Variants in CTNND1 observed in about 807,000 individuals in gnomAD.
CTNND1 encodes the protein catenin delta 1, also known as catenin delta-1.
CTNND1 carries 16 observed loss-of-function variants against 112.1 expected under a neutral mutation model. That is an observed-to-expected ratio of 0.14 (90% CI 0.10 to 0.22). CTNND1 has a LOEUF of 0.22. CTNND1 is among the 10% of genes least tolerant of loss of function. CTNND1 has a pLI of 1.00. For missense variants in CTNND1, 1,008 were observed against 1,257.0 expected (o/e 0.80, Z 3.00); for synonymous variants, 420 against 446.5 (o/e 0.94, Z 0.75).
intron 6 of CTNND1, among the ~76,000 whole-genome samples, chr11:57,797,742 T>C (rs919408345): frequency 6.9e-6 from 1 of 144,390 alleles, no homozygotes; most frequent in African/African-American, 2.6e-5. Flanking sequence ...CTCGGGAGGC[T>C]GAGGCAGGAG....
intron 8 of CTNND1, 54 bp downstream of exon 8, chr11:57,803,858 AT>A (rs982903624): frequency 2.3e-6 from 3 of 1,317,008 alleles, no homozygotes; most frequent in Non-Finnish European, 3.0e-6. Flanking sequence ...ACTGACTTAA[AT>A]TTCCTAAAAA....
chr11:57,815,166 G>A (rs2137681098), intron 18 of CTNND1, among the ~76,000 whole-genome samples: 1 of 152,256 alleles, frequency 6.6e-6, no homozygotes, highest in South Asian at 2.1e-4. Context: ...GGCCTTAAGT[G>A]ATCTGCCCGT....
At chr11:57,769,098 G>A (rs1357823037) in intron 1 of CTNND1, among the ~76,000 whole-genome samples, 2 of 151,814 alleles carry the variant, frequency 1.3e-5, no homozygotes, top group Non-Finnish European at 2.9e-5. Flanking sequence ...CTTGAGGTCA[G>A]GAGTTTGAGA....
intron 1 of CTNND1, among the ~76,000 whole-genome samples, chr11:57,777,594 C>T (rs1247614707): frequency 2.0e-5 from 3 of 152,200 alleles, no homozygotes; most frequent in Non-Finnish European, 2.9e-5. Flanking sequence ...TCTAAGTTGT[C>T]TGTTTAGACT....
At chr11:57,765,843 C>T (rs546035566) in intron 1 of CTNND1, among the ~76,000 whole-genome samples, 4 of 152,220 alleles carry the variant, frequency 2.6e-5, no homozygotes, top group African/African-American at 9.6e-5. Context: ...AATCCTGTTC[C>T]TTTCTTGGCA....
At chr11:57,797,132 C>G in intron 6 of CTNND1, 140 bp downstream of exon 6, 1 of 573,684 alleles carries the variant, frequency 1.7e-6, no homozygotes. Context: ...GGGTGAAAAG[C>G]TACCCTGTTT....
chr11:57,806,792 T>C, intron 11 of CTNND1, 123 bp from the exon 12 acceptor site: 4 of 824,754 alleles, frequency 4.8e-6, no homozygotes, highest in Admixed American at 2.5e-5. Flanking sequence ...CACCTGCCCC[T>C]TTTCCCCTCG....
chr11:57,809,496 AAGAATTTGAGTG>A, intron 15 of CTNND1, 30 bp downstream of exon 15: 1 of 1,575,350 alleles, frequency 6.3e-7, no homozygotes, highest in Admixed American at 1.9e-5. Flanking sequence ...TTACAGTCAA[AAGAATTTGAGTG>A]AGTGGAGAGT....
chr11:57,806,839 T>C, intron 11 of CTNND1, 76 bp from the exon 12 acceptor site: 3 of 1,282,252 alleles, frequency 2.3e-6, no homozygotes, highest in African/African-American at 1.5e-5. Context: ...GACTGAAGGA[T>C]GAAAAATGTG....
At chr11:57,782,686 G>A (rs983820969) in intron 1 of CTNND1, among the ~76,000 whole-genome samples, 7 of 152,120 alleles carry the variant, frequency 4.6e-5, no homozygotes, top group Admixed American at 1.3e-4. Flanking sequence ...AAATCTTTAG[G>A]CCAAACTTAA....
At position 57,805,988 on chromosome 11, in the gene CTNND1, A is replaced by G. The variant is rs767272659; in HGVS notation, c.1829A>G (p.Asn610Ser). ...YQEAAPNVAN[N>S]TGPHAASCFG... Reference sequence around the variant, plus strand: ...GAGGCAGCTCCCAATGTTGCCAACAATACTGGGCCACATGCTGCCAGTTGC... The same window carrying G: ...GAGGCAGCTCCCAATGTTGCCAACAGTACTGGGCCACATGCTGCCAGTTGC... The change falls in exon 10 of 21, where the codon AAT becomes AGT. Residue 610 changes from asparagine to serine, a missense_variant. Around this residue, in one of 5 missense-constraint regions of CTNND1, gnomAD observed 254 missense variants for 279.5 expected, o/e 0.91. Transcript: ENST00000399050. The G allele has an allele frequency of 5.6e-6, 9 of 1,612,498 alleles. No homozygotes were observed. The highest frequency in any genetic ancestry group is 4.0e-5 in the African/African-American group (3 of 74,926).
chr11:57,799,820 A>G (rs1218825999), intron 6 of CTNND1, among the ~76,000 whole-genome samples: 1 of 152,152 alleles, frequency 6.6e-6, no homozygotes, highest in Non-Finnish European at 1.5e-5. Context: ...ATTACCATCT[A>G]TTGATAAAGA....
At chr11:57,777,284 G>T (rs1332543740) in intron 1 of CTNND1, among the ~76,000 whole-genome samples, 1 of 151,992 alleles carries the variant, frequency 6.6e-6, no homozygotes, top group Non-Finnish European at 1.5e-5. Flanking sequence ...TCCAGATAAG[G>T]ACTAAATCCT....
intron 3 of CTNND1, among the ~76,000 whole-genome samples, chr11:57,793,743 T>C (rs1316648183): frequency 1.3e-5 from 2 of 152,220 alleles, no homozygotes; most frequent in Admixed American, 6.5e-5. Flanking sequence ...AAACTAAACT[T>C]ATCCCAAAAA....
At chr11:57,786,719 C>T (rs1025052893) in intron 1 of CTNND1, among the ~76,000 whole-genome samples, 1 of 152,116 alleles carries the variant, frequency 6.6e-6, no homozygotes, top group Non-Finnish European at 1.5e-5. Context: ...TTTACTGTAG[C>T]CTGCCTAACA....
chr11:57,764,303 A>G (rs947293153), intron 1 of CTNND1, among the ~76,000 whole-genome samples: 1 of 152,142 alleles, frequency 6.6e-6, no homozygotes, highest in Non-Finnish European at 1.5e-5. Flanking sequence ...CAGCATGGAC[A>G]GTCAGAGAAG....
chr11:57,769,319 C>A (rs1489896420), intron 1 of CTNND1, among the ~76,000 whole-genome samples: 2 of 150,102 alleles, frequency 1.3e-5, no homozygotes, highest in Non-Finnish European at 3.0e-5. Context: ...GAGACTCCGT[C>A]TCAAAAAAAA....
chr11:57,770,054 G>A (rs536400448), intron 1 of CTNND1, among the ~76,000 whole-genome samples: 5 of 152,102 alleles, frequency 3.3e-5, no homozygotes, highest in East Asian at 1.9e-4. Context: ...GGCTGGGCGC[G>A]GTGGTGGTTC....
intron 3 of CTNND1, among the ~76,000 whole-genome samples, chr11:57,791,994 A>AT (rs558136149): frequency 1.2e-4 from 18 of 150,886 alleles, no homozygotes; most frequent in African/African-American, 4.2e-4. Flanking sequence ...TTCTTTTCTG[A>AT]TTTTTTTTTC....
Sources: gnomAD v4.1 joint callset for allele counts (sites outside exome capture counted in the v4.1 genomes callset) on GRCh38, gnomAD v4.1.1 for gene constraint, gnomAD v4.1.1 regional missense constraint, MANE v1.5 for transcripts, NCBI Gene and HGNC (gene_info 2026-07-23, HGNC 2026-07-21) for gene names.